Variants in AHNAK observed in about 807,000 individuals in gnomAD.
The protein encoded by AHNAK is neuroblast differentiation-associated protein AHNAK.
In AHNAK, 23 loss-of-function variants were observed where a neutral mutation model predicts 37.8. The observed-to-expected ratio is 0.61, with a 90% CI of 0.44 to 0.86. The LOEUF is 0.86. Among genes scored for constraint, AHNAK ranks in the 40% least tolerant of loss-of-function variants. The pLI is 0.00. For missense variants in AHNAK, 7,411 were observed against 7,319.4 expected, an observed-to-expected ratio of 1.01 and a Z score of -0.46; for synonymous variants, 2,481 against 2,636.3, an observed-to-expected ratio of 0.94 and a Z score of 1.80.
At chr11:62,478,227 T>C (rs111916226) in intron 5 of AHNAK, among the ~76,000 whole-genome samples, 1,604 of 152,102 alleles carry the variant, frequency 0.011, 21 homozygotes, top group African/African-American at 0.037. Context: ...CATTCGCTCT[T>C]CTTCTCAGCT....
rs540500412 is a variant in AHNAK, at chr11:62,533,788, G to A, written c.629C>T (p.Ser210Leu). 5.4e-4 allele frequency: 879 copies of A among 1,614,142 alleles called. 12 individuals are homozygous for A. The South Asian group carries it at 9.0e-3, about 17-fold the overall frequency. Reference sequence around the variant, plus strand: ...TGTCGGAGAGGCTGCCCCCGAGCCCGAGGGCAGTCTGATCACGGTCTTCCC... The same window carrying A: ...TGTCGGAGAGGCTGCCCCCGAGCCCAAGGGCAGTCTGATCACGGTCTTCCC... ...QSGKTVIRLP[S>L]GSGAASPTGS... The change falls in exon 5 of 5, where the codon TCG becomes TTG. Residue 210 changes from serine to leucine, a missense_variant. Transcript: ENST00000378024.
At chr11:62,466,330 T>C (rs28436769) in intron 5 of AHNAK, among the ~76,000 whole-genome samples, 2 of 151,776 alleles carry the variant, frequency 1.3e-5, no homozygotes, top group Non-Finnish European at 2.9e-5. Flanking sequence ...AAAAAAAAAA[T>C]TTTTGTTTTT....
Position 62,533,372 on chromosome 11 carries a change from T to G in AHNAK, c.1045A>C (p.Ile349Leu). 6.3e-7 allele frequency: 1 copy of G among 1,580,822 alleles called. No individual in the cohort carries two copies. Among genetic ancestry groups the G allele is most frequent in the Non-Finnish European group, 8.6e-7 (1 of 1,164,178 alleles). The part of the protein sequence containing the change: ...GHKGGKPGLT[I>L]QAPQLEVSVP... Reference sequence around the variant, plus strand: ...CTGACTTCCAGCTGAGGGGCTTGGATAGTCAAGCCTGGCTTGCCGCCCTTG... The same window carrying G: ...CTGACTTCCAGCTGAGGGGCTTGGAGAGTCAAGCCTGGCTTGCCGCCCTTG... Residue 349 changes from isoleucine to leucine, a missense_variant, in exon 5 of 5, where the codon ATC (isoleucine) becomes CTC (leucine). Coordinates refer to ENST00000378024, the MANE Select transcript of AHNAK (RefSeq NM_001620.3).
chr11:62,528,553 C>G lies in AHNAK; in HGVS notation c.5864G>C (p.Ser1955Thr), dbSNP rs776576586. Reference protein sequence around the residue: ...PKLEGDLTGPSVGVEVPDVEL... With the variant: ...PKLEGDLTGPTVGVEVPDVEL... Reference sequence around the variant, plus strand: ...AACATCAGGCACCTCCACACCCACACTGGGACCTGTTAAATCTCCCTCCAA... The same window carrying G: ...AACATCAGGCACCTCCACACCCACAGTGGGACCTGTTAAATCTCCCTCCAA... The change falls in exon 5 of 5, where the codon AGT becomes ACT. Residue 1955 changes from serine (S) to threonine (T), a missense_variant. Physicochemically the swap from Ser to Thr is moderately conservative, Grantham distance 58 (BLOSUM62 1). Transcript: ENST00000378024. The G allele has an allele frequency of 1.9e-6, 3 of 1,610,164 alleles. No homozygotes were observed. Among genetic ancestry groups the G allele is most frequent in the African/African-American group, 2.7e-5 (2 of 73,592 alleles).
At position 62,519,467 on chromosome 11, in the gene AHNAK, C is replaced by T. The variant is rs1234757105; in HGVS notation, c.14950G>A (p.Ala4984Thr). Reference protein sequence around the residue: ...KFKKPKFGFGAKSPKADIKSP... With the variant: ...KFKKPKFGFGTKSPKADIKSP... Reference sequence around the variant, plus strand: ...TTGATGTCAGCTTTGGGGCTTTTTGCCCCAAATCCAAACTTGGGTTTCTTA... The same window carrying T: ...TTGATGTCAGCTTTGGGGCTTTTTGTCCCAAATCCAAACTTGGGTTTCTTA... The change falls in exon 5 of 5, where the codon GCA (alanine) becomes ACA (threonine). Residue 4984 changes from alanine (A) to threonine (T), a missense_variant. Coordinates refer to ENST00000378024, the MANE Select transcript of AHNAK (RefSeq NM_001620.3). 6.2e-7 allele frequency: 1 copy of T among 1,612,436 alleles called. No individual in the cohort carries two copies. Among genetic ancestry groups the T allele is most frequent in the East Asian group, 2.2e-5 (1 of 44,882 alleles).
At chr11:62,462,078 C>G (rs1006456656) in intron 5 of AHNAK, among the ~76,000 whole-genome samples, 2 of 152,156 alleles carry the variant, frequency 1.3e-5, no homozygotes, top group Non-Finnish European at 2.9e-5. Flanking sequence ...CATTTTAAAA[C>G]ACAGCACAAG....
At chr11:62,510,316 T>C (rs1365578706) in intron 4 of AHNAK, among the ~76,000 whole-genome samples, 1 of 151,968 alleles carries the variant, frequency 6.6e-6, no homozygotes, top group African/African-American at 2.4e-5. Context: ...AGTGCTGGAA[T>C]TACAGGCGTG....
chr11:62,515,941 CA>C lies in AHNAK; in HGVS notation c.*802del, dbSNP rs1258845803. 8.5e-7 allele frequency: 1 copy of C among 1,173,300 alleles called. No homozygotes were observed. The highest frequency in any genetic ancestry group is 1.6e-5 in the African/African-American group (1 of 62,366). 72.7% of individuals were successfully genotyped at this position (1,173,300 alleles called of 1,614,324 possible). ...CAGCTTTATTTGCCTTGTACAGCAT[CA>C]ATTTTCTTACATTCTCAGTTAATTG... is the stretch of plus-strand genomic sequence containing the variant. On this transcript the variant is annotated 3_prime_UTR_variant, in exon 5 of 5. Coordinates refer to ENST00000378024, the MANE Select transcript of AHNAK (RefSeq NM_001620.3).
intron 1 of AHNAK, among the ~76,000 whole-genome samples, chr11:62,540,865 C>G (rs1288409129): frequency 6.6e-6 from 1 of 152,164 alleles, no homozygotes; most frequent in Non-Finnish European, 1.5e-5. Context: ...TTCAAAACTG[C>G]AAAGAGGATG....
In AHNAK at chr11:62,531,894, T is replaced by C. The variant is rs147985292; in HGVS notation, c.2523A>G (p.Pro841=). 31 of 1,612,932 alleles carry C rather than the reference T, an allele frequency of 1.9e-5. No individual in the cohort carries two copies. Among genetic ancestry groups the C allele is most frequent in the African/African-American group, 1.6e-4 (12 of 74,468 alleles). The change falls in exon 5 of 5, where the codon CCA becomes CCG. Residue 841 remains proline (P), a synonymous_variant. Transcript: ENST00000378024. ...GAACTTTAATCTCACTTTCAACCTT[T>C]GGCATTGTGACATCATATTCTCCCT... The part of the protein sequence containing the change: ...NVKGEYDVTM[P]KVESEIKVPD...
In AHNAK at chr11:62,530,047, C is replaced by T; in HGVS notation, c.4370G>A (p.Gly1457Asp). The T allele has an allele frequency of 3.1e-6, 5 of 1,613,910 alleles. No homozygotes were observed. Among genetic ancestry groups the T allele is most frequent in the Non-Finnish European group, 4.2e-6 (5 of 1,179,976 alleles). Residue 1457 changes from glycine to aspartate, a missense_variant, in exon 5 of 5, where the codon GGT (glycine) becomes GAT (aspartate). Coordinates refer to ENST00000378024, the MANE Select transcript of AHNAK (RefSeq NM_001620.3). The stretch of plus-strand genomic sequence containing the variant: ...CATTTTAGGACCTTTCAAATGCAAA[C>T]CAACATCTGGTATGGATATCTTCTG... ...KPQKISIPDVGLHLKGPKMKG... is the reference protein window; with the variant it reads ...KPQKISIPDVDLHLKGPKMKG...
At chr11:62,457,876 G>T (rs1422131579) in intron 5 of AHNAK, among the ~76,000 whole-genome samples, 1 of 150,862 alleles carries the variant, frequency 6.6e-6, no homozygotes, top group Non-Finnish European at 1.5e-5. Context: ...ACAATCCTAC[G>T]CATGTACCTC....
chr11:62,524,438 A>T lies in AHNAK; in HGVS notation c.9979T>A (p.Leu3327Met), dbSNP rs985660180. ...KLEGDIKAPS[L>M]DIKGPEVDVS... ...TCCACTTCTGGGCCCTTTATATCCA[A>T]ACTGGGAGCTTTAATGTCACCTTCC... Residue 3327 changes from leucine (L) to methionine (M), a missense_variant, in exon 5 of 5, where the codon TTG becomes ATG. Leu to Met is a conservative substitution (Grantham distance 15). Transcript: ENST00000378024. The T allele has an allele frequency of 6.2e-7, 1 of 1,613,912 alleles. No homozygotes were observed. Among genetic ancestry groups the T allele is most frequent in the East Asian group, 2.2e-5 (1 of 44,888 alleles).
At chr11:62,486,379 A>C (rs1013944081) in intron 5 of AHNAK, among the ~76,000 whole-genome samples, 5 of 152,156 alleles carry the variant, frequency 3.3e-5, no homozygotes, top group African/African-American at 1.2e-4. Context: ...AGGCTGAGGC[A>C]GGAGAATCGC....
At position 62,525,917 on chromosome 11, in the gene AHNAK, T is replaced by C. The variant is rs1336617725; in HGVS notation, c.8500A>G (p.Lys2834Glu). Reference sequence around the variant, plus strand: ...AGGTCAATATCTGGCATGGATATCTTTGGAGTCTTAAAATGCATCTCTGGC... The same window carrying C: ...AGGTCAATATCTGGCATGGATATCTCTGGAGTCTTAAAATGCATCTCTGGC... ...KMPEMHFKTP[K>E]ISMPDIDLNL... Residue 2834 changes from lysine to glutamate, a missense_variant, in exon 5 of 5, where the codon AAG becomes GAG. Lys to Glu is a moderately conservative substitution (Grantham distance 56). Coordinates refer to ENST00000378024, the MANE Select transcript of AHNAK (RefSeq NM_001620.3). The C allele has an allele frequency of 6.2e-7, 1 of 1,614,224 alleles. No individual in the cohort carries two copies. Among genetic ancestry groups the C allele is most frequent in the South Asian group, 1.1e-5 (1 of 91,086 alleles).
At chr11:62,544,784 A>C (rs1941254074) in intron 1 of AHNAK, among the ~76,000 whole-genome samples, 2 of 151,472 alleles carry the variant, frequency 1.3e-5, no homozygotes, top group African/African-American at 4.9e-5. Flanking sequence ...CCTCACGGGG[A>C]GGGGATGAAA....
rs2134199764 is a variant in AHNAK at position 62,520,509 on chromosome 11, A to G, written c.13908T>C (p.Ile4636=). ...EVDIRDPKVD[I]DVPDVDVQGP... Reference sequence around the variant, plus strand: ...CTTGAACGTCCACATCTGGGACATCAATGTCCACTTTGGGGTCCCTGATGT... The same window carrying G: ...CTTGAACGTCCACATCTGGGACATCGATGTCCACTTTGGGGTCCCTGATGT... Residue 4636 remains isoleucine, a synonymous_variant, in exon 5 of 5, where the codon ATT becomes ATC. Transcript: ENST00000378024. The G allele has an allele frequency of 1.2e-6, 2 of 1,612,696 alleles. No individual in the cohort carries two copies. Among genetic ancestry groups the G allele is most frequent in the South Asian group, 1.1e-5 (1 of 90,984 alleles).
chr11:62,465,550 T>C (rs76212803), intron 5 of AHNAK, among the ~76,000 whole-genome samples: 4 of 151,496 alleles, frequency 2.6e-5, no homozygotes, highest in Admixed American at 2.0e-4. Context: ...GAGGCGGAGG[T>C]TGCAGTGAGC....
intron 1 of AHNAK, among the ~76,000 whole-genome samples, chr11:62,541,257 C>T (rs1370985636): frequency 1.3e-5 from 2 of 152,192 alleles, no homozygotes; most frequent in Non-Finnish European, 2.9e-5. Flanking sequence ...CCAGCACAGG[C>T]GGGACACAGG....
Sources: gnomAD v4.1 joint callset for allele counts (sites outside exome capture counted in the v4.1 genomes callset) on GRCh38, gnomAD v4.1.1 for gene constraint, MANE v1.5 for transcripts, NCBI Gene and HGNC (gene_info 2026-07-23, HGNC 2026-07-21) for gene names.